The following EIF3K variants were observed in gnomAD, a reference collection of about 807,000 sequenced individuals.
EIF3K encodes eukaryotic translation initiation factor 3 subunit K.
In EIF3K, 27 loss-of-function variants were observed where a neutral mutation model predicts 34.2. That is an observed-to-expected ratio of 0.79 (90% CI 0.58 to 1.09). EIF3K has a LOEUF of 1.09. Ranked by LOEUF, EIF3K falls within the 50% of genes least tolerant of loss-of-function variation. The pLI is 0.00. For synonymous variants in EIF3K, 105 were observed against 105.7 expected (o/e 0.99, Z 0.04); for missense variants, 232 against 275.4 (o/e 0.84, Z 1.11).
chr19:38,628,673 A>C (rs1181785376), intron 4 of EIF3K: 1 of 152,158 alleles, frequency 6.6e-6, no homozygotes, highest in African/African-American at 2.4e-5. Flanking sequence ...AAAAATACAA[A>C]GTTGGCCGGG....
At chr19:38,624,931 C>T (rs1271950883) in intron 3 of EIF3K, among the ~76,000 whole-genome samples, 1 of 152,126 alleles carries the variant, frequency 6.6e-6, no homozygotes, top group Non-Finnish European at 1.5e-5. Context: ...CCTATTTTGC[C>T]ACTGTTCACT....
At chr19:38,636,080 G>GT (rs1976184680) in intron 7 of EIF3K, among the ~76,000 whole-genome samples, 1 of 152,238 alleles carries the variant, frequency 6.6e-6, no homozygotes, top group East Asian at 1.9e-4. Flanking sequence ...TAAACGCCGC[G>GT]TGACTGCTGT....
chr19:38,636,800 C>A, intron 7 of EIF3K, 89 bp from the exon 8 acceptor site: 1 of 1,469,848 alleles, frequency 6.8e-7, no homozygotes, highest in Non-Finnish European at 9.5e-7. Flanking sequence ...TTATGATCTC[C>A]CCCTAAAGAA....
intron 7 of EIF3K, 132 bp downstream of exon 7, chr19:38,635,250 C>G: frequency 4.5e-6 from 6 of 1,319,284 alleles, no homozygotes; most frequent in Non-Finnish European, 6.3e-6. Context: ...CTGCCAGATT[C>G]CATTCACCTT....
At chr19:38,633,681 A>C (rs376367725) in intron 6 of EIF3K, among the ~76,000 whole-genome samples, 11 of 150,014 alleles carry the variant, frequency 7.3e-5, no homozygotes, top group African/African-American at 2.5e-4. Flanking sequence ...TAAGATCGAA[A>C]CTCCATCTAA....
In EIF3K at chr19:38,635,178, C is replaced by T. The variant is rs533399945; in HGVS notation, c.625+60C>T. On this transcript the variant is annotated intron_variant, in intron 7 of 7. Coordinates refer to ENST00000248342, the MANE Select transcript of EIF3K (RefSeq NM_013234.4). ...TAAGGGGGTGCCCCTCAAGGGAGGC[C>T]GAGGCAGGGGCCCAGAGGACCTGGG... The T allele has an allele frequency of 2.2e-4, 358 of 1,610,544 alleles. 1 individual carries two copies. The African/African-American group carries it at 4.1e-3, about 18-fold the overall frequency.
At position 38,636,474 on chromosome 19, in the gene EIF3K, CTG is replaced by C. The variant is rs1416391496; in HGVS notation, c.626-411_626-410del. 2.6e-5 allele frequency among the ~76,000 whole-genome samples: 4 copies of C among 152,204 alleles called. No individual in the cohort carries two copies. The South Asian group carries it at 6.2e-4, about 24-fold the overall frequency. ...CTACAGCCTGGGCAACAGAATGAGA[CTG>C]TGTCTCAAAAAAAAACTTAAGAGTA... is the stretch of plus-strand genomic sequence containing the variant. On this transcript the variant is annotated intron_variant, in intron 7 of 7. Transcript: ENST00000248342.
Position 38,619,318 on chromosome 19 carries a change from G to A in EIF3K, c.50G>A (p.Gly17Asp). The change falls in exon 1 of 8, where the codon GGT (glycine) becomes GAT (aspartate). Residue 17 changes from glycine (G) to aspartate (D), a missense_variant. Transcript: ENST00000248342. ...MRANVGKLLK[G>D]IDRYNPENLA... ...GCCAACGTGGGCAAGTTGCTCAAGG[G>A]TATCGACAGGTCTGAGCCCGGTTGG... 6.2e-7 allele frequency: 1 copy of A among 1,614,024 alleles called. No homozygotes were observed. Among genetic ancestry groups the A allele is most frequent in the South Asian group, 1.1e-5 (1 of 91,066 alleles).
chr19:38,619,277 G>T lies in EIF3K; in HGVS notation c.9G>T (p.Met3Ile). 6.2e-7 allele frequency: 1 copy of T among 1,613,962 alleles called. No individual in the cohort carries two copies. Among genetic ancestry groups the T allele is most frequent in the East Asian group, 2.2e-5 (1 of 44,894 alleles). ...GGAAGGCGACAGAAGTCATGGCGATGTTTGAGCAGATGAGAGCCAACGTGG... is the reference window on the plus strand; with the variant it reads ...GGAAGGCGACAGAAGTCATGGCGATTTTTGAGCAGATGAGAGCCAACGTGG... MA[M>I]FEQMRANVGK... Residue 3 changes from methionine to isoleucine, a missense_variant, in exon 1 of 8, where the codon ATG (methionine) becomes ATT (isoleucine). Met to Ile is a conservative substitution (Grantham distance 10, BLOSUM62 1). Transcript: ENST00000248342.
chr19:38,636,042 G>C (rs750249845), intron 7 of EIF3K, among the ~76,000 whole-genome samples: 2 of 152,230 alleles, frequency 1.3e-5, no homozygotes, highest in Non-Finnish European at 1.5e-5. Flanking sequence ...AGCCATCTGC[G>C]CACTTGCAGC....
chr19:38,625,915 T>C (rs548178357), intron 3 of EIF3K, 113 bp from the exon 4 acceptor site: 42 of 993,954 alleles, frequency 4.2e-5, no homozygotes, highest in Non-Finnish European at 6.4e-5. Flanking sequence ...CAGCTGTTTT[T>C]CTGAGCTGAA....
chr19:38,631,688 G>A lies in EIF3K; in HGVS notation c.355-742G>A, dbSNP rs527605081. Among the ~76,000 whole-genome samples the A allele has an allele frequency of 3.2e-3, 487 of 152,322 alleles. 3 individuals carry two copies. Among genetic ancestry groups the A allele is most frequent in the African/African-American group, 0.011 (457 of 41,568 alleles). On this transcript the variant is annotated intron_variant, in intron 4 of 7. Coordinates refer to ENST00000248342, the MANE Select transcript of EIF3K (RefSeq NM_013234.4). ...TCCTCAGCACAGACCCTTTACGGGT[G>A]TCGGGCTGGGGGACTGTCAGGTCTT...
chr19:38,621,148 A>G lies in EIF3K; in HGVS notation c.158+713A>G, dbSNP rs529895784. Among the ~76,000 whole-genome samples the G allele has an allele frequency of 2.5e-4, 38 of 151,508 alleles. No individual in the cohort carries two copies. In the South Asian group the frequency reaches 5.4e-3, roughly 22 times the overall value. ...GAAGATTAAGGTGCAGTGAGCCATG[A>G]TAGTGCCACTGCACTCCAGCCTGGG... On this transcript the variant is annotated intron_variant, in intron 2 of 7. Coordinates refer to ENST00000248342, the MANE Select transcript of EIF3K (RefSeq NM_013234.4).
rs12460826 is a variant in EIF3K, at chr19:38,625,530, G to T, written c.280-498G>T. 6.8e-3 allele frequency among the ~76,000 whole-genome samples: 862 copies of T among 125,946 alleles called. 34 individuals carry two copies. The highest frequency in any genetic ancestry group is 0.063 in the Admixed American group (800 of 12,726). The allele number at this position is 125,946 out of a possible 152,430, so 82.6% of individuals were successfully genotyped here. On this transcript the variant is annotated intron_variant, in intron 3 of 7. Coordinates refer to ENST00000248342, the MANE Select transcript of EIF3K (RefSeq NM_013234.4). ...TTGTTAATATTTTCTTTTTTTTTGA[G>T]ATGGAGTCTTGCTCTGTCATCCAGG...
intron 4 of EIF3K, chr19:38,632,038 C>G: frequency 4.8e-6 from 1 of 207,514 alleles, no homozygotes; most frequent in South Asian, 6.8e-5. Flanking sequence ...TCTCCTGTGT[C>G]TACTTCTTTC....
At chr19:38,623,315 C>T (rs908614693) in intron 2 of EIF3K, among the ~76,000 whole-genome samples, 2 of 152,188 alleles carry the variant, frequency 1.3e-5, no homozygotes, top group Non-Finnish European at 2.9e-5. Flanking sequence ...GCAACAGGTA[C>T]GCACCACCAT....
At chr19:38,628,168 T>C (rs1975987516) in intron 4 of EIF3K, among the ~76,000 whole-genome samples, 1 of 152,062 alleles carries the variant, frequency 6.6e-6, no homozygotes, top group Non-Finnish European at 1.5e-5. Flanking sequence ...CCTTCCAAAG[T>C]GCTGGGACTA....
chr19:38,625,176 T>A (rs903052563), intron 3 of EIF3K, among the ~76,000 whole-genome samples: 2 of 152,012 alleles, frequency 1.3e-5, no homozygotes, highest in Non-Finnish European at 2.9e-5. Context: ...TATTTTATTT[T>A]TTTTTTGAGA....
chr19:38,626,594 C>T (rs1467322289), intron 4 of EIF3K, among the ~76,000 whole-genome samples: 1 of 152,190 alleles, frequency 6.6e-6, no homozygotes, highest in African/African-American at 2.4e-5. Context: ...GCCGTGATCA[C>T]ACCACTGCAC....
Sources: gnomAD v4.1 joint callset for allele counts (sites outside exome capture counted in the v4.1 genomes callset) on GRCh38, gnomAD v4.1.1 for gene constraint, MANE v1.5 for transcripts, NCBI Gene and HGNC (gene_info 2026-07-23, HGNC 2026-07-21) for gene names.